Variants in TBC1D2 observed in about 807,000 individuals in gnomAD.
TBC1D2 encodes TBC1 domain family member 2.
Under a neutral mutation model 91.1 loss-of-function variants are expected in TBC1D2, and 58 were observed. The observed-to-expected ratio is 0.64, with a 90% CI of 0.52 to 0.79. TBC1D2 has a LOEUF of 0.79. Among genes scored for constraint, TBC1D2 ranks in the 30% least tolerant of loss-of-function variants. TBC1D2 has a pLI of 0.00. For missense variants in TBC1D2, 1,080 were observed against 1,208.3 expected (o/e 0.89, Z 1.57); for synonymous variants, 482 against 511.5 (o/e 0.94, Z 0.78).
In TBC1D2 at chr9:98,228,280, T is replaced by C. The variant is rs983711531; in HGVS notation, c.978+672A>G. 2.0e-5 allele frequency among the ~76,000 whole-genome samples: 3 copies of C among 152,238 alleles called. No homozygotes were observed. Among genetic ancestry groups the C allele is most frequent in the African/African-American group, 7.2e-5 (3 of 41,470 alleles). On this transcript the variant is annotated intron_variant, in intron 5 of 12. Transcript: ENST00000465784. This position sits in a 1 kb window ranked among gnomAD's most constrained non-coding sequence, Gnocchi z 4.0. ...CTGCAGCCCTCTCACATCTTTGCCC[T>C]GGGACCCTCACTACTTCATAAGGTA...
chr9:98,246,375 A>G (rs550778264), intron 2 of TBC1D2, among the ~76,000 whole-genome samples: 3 of 152,240 alleles, frequency 2.0e-5, no homozygotes, highest in Non-Finnish European at 4.4e-5. Context: ...ACTTAGCAGT[A>G]GTTCAAACAA....
chr9:98,229,958 A>G (rs1829327446), intron 4 of TBC1D2, among the ~76,000 whole-genome samples: 1 of 152,238 alleles, frequency 6.6e-6, no homozygotes, highest in Admixed American at 6.5e-5. Flanking sequence ...CTCTTTACAA[A>G]AAATGTTTGC....
At chr9:98,244,550 T>G (rs757250197) in intron 2 of TBC1D2, among the ~76,000 whole-genome samples, 2 of 149,918 alleles carry the variant, frequency 1.3e-5, no homozygotes, top group Non-Finnish European at 3.0e-5. Context: ...TCCCAGCTAC[T>G]CAGGAGGCTG....
At chr9:98,220,140 A>G (rs1449874201) in intron 6 of TBC1D2, among the ~76,000 whole-genome samples, 1 of 152,196 alleles carries the variant, frequency 6.6e-6, no homozygotes, top group Admixed American at 6.5e-5. Flanking sequence ...GCGGCAGCTG[A>G]GCAGACAGAC....
At chr9:98,216,815 C>T (rs1192154198) in intron 6 of TBC1D2, among the ~76,000 whole-genome samples, 1 of 152,218 alleles carries the variant, frequency 6.6e-6, no homozygotes, top group African/African-American at 2.4e-5. Flanking sequence ...AGTGATCCTC[C>T]TGTCTCAGGC....
At position 98,221,096 on chromosome 9, in the gene TBC1D2, C is replaced by G. The variant is rs752708473; in HGVS notation, c.1111G>C (p.Glu371Gln). ...LVRHKVRQIA[E>Q]LGRRVEALEQ... The stretch of plus-strand genomic sequence containing the variant: ...AGGGCCTCCACCCGCCGGCCCAGCT[C>G]CGCGATCTGCCGCACTTTGTGCCGC... The change falls in exon 6 of 13, where the codon GAG (glutamate) becomes CAG (glutamine). Residue 371 changes from glutamate to glutamine, a missense_variant. Transcript: ENST00000465784. The G allele has an allele frequency of 1.4e-5, 23 of 1,605,270 alleles. No individual in the cohort carries two copies. Among genetic ancestry groups the G allele is most frequent in the Non-Finnish European group, 1.9e-5 (22 of 1,176,562 alleles).
intron 9 of TBC1D2, among the ~76,000 whole-genome samples, chr9:98,207,054 C>T (rs1024903475): frequency 3.3e-5 from 5 of 152,214 alleles, no homozygotes; most frequent in African/African-American, 1.2e-4. Context: ...ACAGACCTGA[C>T]CTGTGGCAGA....
chr9:98,224,022 AC>A (rs1199854510), intron 5 of TBC1D2, among the ~76,000 whole-genome samples: 1 of 151,710 alleles, frequency 6.6e-6, no homozygotes, highest in Admixed American at 6.6e-5. Context: ...ACATGGTGAA[AC>A]CCCGTCTCTA....
In TBC1D2 at chr9:98,221,187, C is replaced by A; in HGVS notation, c.1020G>T (p.Gln340His). 6.4e-7 allele frequency: 1 copy of A among 1,556,522 alleles called. No individual in the cohort carries two copies. The highest frequency in any genetic ancestry group is 1.7e-4 in the Middle Eastern group (1 of 5,978). The change falls in exon 6 of 13, where the codon CAG (glutamine) becomes CAT (histidine). Residue 340 changes from glutamine to histidine, a missense_variant. Gln to His is a conservative substitution (Grantham distance 24, BLOSUM62 0). Transcript: ENST00000465784. Reference sequence around the variant, plus strand: ...ATGCGCTGGACGCCCGCTTCTCCTGCTGGGCGGCCTCCAGTGCCTTGTGCA... The same window carrying A: ...ATGCGCTGGACGCCCGCTTCTCCTGATGGGCGGCCTCCAGTGCCTTGTGCA... ...KILHKALEAA[Q>H]QEKRASSAYL...
intron 6 of TBC1D2, among the ~76,000 whole-genome samples, chr9:98,219,004 T>C (rs527255252): frequency 9.8e-5 from 15 of 152,318 alleles, no homozygotes; most frequent in African/African-American, 2.9e-4. Context: ...GGCTGAGAGC[T>C]TTCTAATCAT....
intron 4 of TBC1D2, among the ~76,000 whole-genome samples, chr9:98,231,574 T>C (rs1216746734): frequency 6.6e-6 from 1 of 152,170 alleles, no homozygotes; most frequent in East Asian, 1.9e-4. Context: ...ATGGTTAAGA[T>C]AGACTGGGCA....
At chr9:98,240,644 T>C (rs921294598) in intron 3 of TBC1D2, among the ~76,000 whole-genome samples, 1 of 152,152 alleles carries the variant, frequency 6.6e-6, no homozygotes, top group Non-Finnish European at 1.5e-5. Context: ...GCCCACACTT[T>C]AACCAGGAAC....
intron 11 of TBC1D2, among the ~76,000 whole-genome samples, chr9:98,201,249 G>A (rs1482902313): frequency 6.6e-6 from 1 of 152,134 alleles, no homozygotes; most frequent in Non-Finnish European, 1.5e-5. Flanking sequence ...GTGCCTCTCT[G>A]ATCATGCTCA....
chr9:98,226,032 C>G (rs776575233), intron 5 of TBC1D2, among the ~76,000 whole-genome samples: 39 of 152,240 alleles, frequency 2.6e-4, no homozygotes, highest in Non-Finnish European at 5.3e-4. Flanking sequence ...ATCTTCCCAG[C>G]TGATGAATGG....
chr9:98,208,911 C>T lies in TBC1D2; in HGVS notation c.1907G>A (p.Arg636Lys), dbSNP rs375680757. Residue 636 changes from arginine to lysine, a missense_variant, in exon 9 of 13, where the codon AGG becomes AAG. Coordinates refer to ENST00000465784, the MANE Select transcript of TBC1D2 (RefSeq NM_001267571.2). The stretch of plus-strand genomic sequence containing the variant: ...CTGGACACGGAGGTGGACCAGCCAC[C>T]TCCAGACACGAGGCCGGTGTTCACG... Reference protein sequence around the residue: ...VPREHRPRVWRWLVHLRVQHL... With the variant: ...VPREHRPRVWKWLVHLRVQHL... The T allele has an allele frequency of 2.5e-6, 4 of 1,614,148 alleles. No homozygotes were observed. The highest frequency in any genetic ancestry group is 3.4e-6 in the Non-Finnish European group (4 of 1,180,016).
chr9:98,210,926 G>T, intron 7 of TBC1D2, 83 bp from the exon 8 acceptor site: 2 of 1,147,328 alleles, frequency 1.7e-6, no homozygotes, highest in Non-Finnish European at 2.4e-6. Context: ...GCTTTAGGCA[G>T]CACAGCCCTT....
At chr9:98,211,301 T>G (rs1180531076) in intron 7 of TBC1D2, among the ~76,000 whole-genome samples, 1 of 152,214 alleles carries the variant, frequency 6.6e-6, no homozygotes, top group Non-Finnish European at 1.5e-5. Flanking sequence ...GAGCAAGCTC[T>G]GCAGGTGGTA....
At chr9:98,225,525 G>C (rs534715232) in intron 5 of TBC1D2, among the ~76,000 whole-genome samples, 2 of 152,312 alleles carry the variant, frequency 1.3e-5, no homozygotes, top group African/African-American at 4.8e-5. Flanking sequence ...TGGAGAAGGA[G>C]GTTAGGGCCC....
intron 9 of TBC1D2, among the ~76,000 whole-genome samples, chr9:98,207,517 C>T (rs1387642411): frequency 5.9e-5 from 9 of 152,156 alleles, no homozygotes; most frequent in African/African-American, 1.9e-4. Context: ...TCCCTCCCTG[C>T]GTCCCCTACC....
Sources: gnomAD v4.1 joint callset for allele counts (sites outside exome capture counted in the v4.1 genomes callset) on GRCh38, gnomAD v4.1.1 for gene constraint, Gnocchi (gnomAD v3.1) non-coding constraint, MANE v1.5 for transcripts, NCBI Gene and HGNC (gene_info 2026-07-23, HGNC 2026-07-21) for gene names.